The following PRRC2C variants were observed in gnomAD, a reference collection of about 807,000 sequenced individuals.
PRRC2C encodes protein PRRC2C.
Under a neutral mutation model 317.2 loss-of-function variants are expected in PRRC2C, and 72 were observed. The ratio of observed to expected loss-of-function variants is 0.23; its 90% CI spans 0.19 to 0.28. The LOEUF (loss-of-function observed/expected upper bound fraction) is 0.28. Among genes scored for constraint, PRRC2C ranks in the 10% least tolerant of loss-of-function variants. PRRC2C has a pLI of 1.00. For synonymous variants in PRRC2C, 1,296 were observed against 1,205.9 expected (o/e 1.07, Z -1.55); for missense variants, 3,074 against 3,459.7 (o/e 0.89, Z 2.80).
At chr1:171,561,805 A>G (rs1392386107) in intron 20 of PRRC2C, among the ~76,000 whole-genome samples, 1 of 152,234 alleles carries the variant, frequency 6.6e-6, no homozygotes. Context: ...TTATTCTAAC[A>G]TAATTTCTCA....
intron 1 of PRRC2C, among the ~76,000 whole-genome samples, chr1:171,494,976 TGGG>T (rs1667865631): frequency 6.6e-6 from 1 of 152,226 alleles, no homozygotes. Context: ...CACAGCTCTT[TGGG>T]TTATTTGGCA....
chr1:171,591,760 A>G lies in PRRC2C; in HGVS notation c.8610A>G (p.Pro2870=). 1.2e-6 allele frequency: 2 copies of G among 1,613,340 alleles called. No individual in the cohort carries two copies. Among genetic ancestry groups the G allele is most frequent in the Non-Finnish European group, 1.7e-6 (2 of 1,179,802 alleles). The part of the protein sequence containing the change: ...GVCQEKVEEK[P]PPAPSIATKP... ...GTCAGGAAAAAGTAGAAGAAAAGCC[A>G]CCCCCTGCACCCTCCATAGCCACCA... Residue 2870 remains proline, a synonymous_variant, in exon 35 of 35, where the codon CCA becomes CCG. Transcript: ENST00000647382.
At chr1:171,558,733 A>G (rs1295550128) in intron 19 of PRRC2C, among the ~76,000 whole-genome samples, 1 of 87,714 alleles carries the variant, frequency 1.1e-5, no homozygotes, top group Non-Finnish European at 2.6e-5. Flanking sequence ...TTCTTTAAGA[A>G]CACAACAATG....
chr1:171,518,603 T>C (rs1199765582), intron 6 of PRRC2C, among the ~76,000 whole-genome samples: 1 of 146,684 alleles, frequency 6.8e-6, no homozygotes, highest in Non-Finnish European at 1.5e-5. Flanking sequence ...GTTCAAGCAA[T>C]TCTTGTGCCT....
chr1:171,579,539 C>T, intron 27 of PRRC2C, 73 bp downstream of exon 27: 2 of 1,534,492 alleles, frequency 1.3e-6, no homozygotes, highest in Non-Finnish European at 1.8e-6. Context: ...TATCTTGGAA[C>T]ATAAATAATA....
At chr1:171,534,187 T>C (rs993963795) in intron 12 of PRRC2C, among the ~76,000 whole-genome samples, 2 of 152,158 alleles carry the variant, frequency 1.3e-5, no homozygotes, top group African/African-American at 4.8e-5. Context: ...AAATAAGGCC[T>C]GTATGGACCA....
At chr1:171,522,497 C>G (rs903433940) in intron 7 of PRRC2C, 1 of 244,792 alleles carries the variant, frequency 4.1e-6, no homozygotes, top group Admixed American at 5.3e-5. Flanking sequence ...AGGCCGGGGA[C>G]GGTGGCTCAC....
At chr1:171,573,673 C>CTTT (rs1024285954) in intron 24 of PRRC2C, among the ~76,000 whole-genome samples, 5,146 of 85,768 alleles carry the variant, frequency 0.06, 465 homozygotes, top group African/African-American at 0.077. Flanking sequence ...TCTCAAAATT[C>CTTT]TTTTTTTTTT....
chr1:171,573,912 C>T (rs958329161), intron 24 of PRRC2C, among the ~76,000 whole-genome samples: 21 of 151,736 alleles, frequency 1.4e-4, no homozygotes, highest in Non-Finnish European at 2.2e-4. Context: ...CTTCTGACCT[C>T]GTGATCCGCC....
Position 171,574,868 on chromosome 1 carries a change from C to T in PRRC2C, c.6754-59C>T, listed in dbSNP as rs1685428773. 2.1e-6 allele frequency: 3 copies of T among 1,446,784 alleles called. No individual in the cohort carries two copies. The South Asian group carries it at 3.7e-5, about 18-fold the overall frequency. The allele number at this position is 1,446,784 out of a possible 1,614,324, so 89.6% of individuals were successfully genotyped here. A position where few individuals can be genotyped will look rare whatever the true frequency, so the allele number is the denominator to read the frequency against. The stretch of plus-strand genomic sequence containing the variant: ...ACTTAAATACTGATACATGTATATA[C>T]ATACGTATATTCTGTATTAACATCA... On this transcript the variant is annotated intron_variant, in intron 24 of 34. Coordinates refer to ENST00000647382, the MANE Select transcript of PRRC2C (RefSeq NM_001387844.1).
intron 18 of PRRC2C, among the ~76,000 whole-genome samples, chr1:171,554,333 C>T (rs1338564939): frequency 6.6e-6 from 1 of 152,150 alleles, no homozygotes; most frequent in Non-Finnish European, 1.5e-5. Context: ...GATCTTCCTC[C>T]ATCCCTTTGT....
At chr1:171,574,139 A>G (rs1049629501) in intron 24 of PRRC2C, among the ~76,000 whole-genome samples, 33 of 152,110 alleles carry the variant, frequency 2.2e-4, no homozygotes. Context: ...TGTATACTGC[A>G]TATGAAATTT....
At chr1:171,559,520 T>TG (rs1682202372) in intron 19 of PRRC2C, among the ~76,000 whole-genome samples, 1 of 133,384 alleles carries the variant, frequency 7.5e-6, no homozygotes, top group Non-Finnish European at 1.6e-5. Context: ...TTTTTTTTTT[T>TG]TTTTTTTTTT....
At position 171,517,609 on chromosome 1, in the gene PRRC2C, A is replaced by G; in HGVS notation, c.545A>G (p.Asp182Gly). 1.2e-6 allele frequency: 2 copies of G among 1,608,656 alleles called. No individual in the cohort carries two copies. Among genetic ancestry groups the G allele is most frequent in the Non-Finnish European group, 8.5e-7 (1 of 1,178,304 alleles). ...ATACTAGATGTTGCTTGTTGGAGAG[A>G]TGGTGGTAAGGCTGCTGGCTCACCT... ...LRPPNVACWR[D>G]GGKAAGSPSS... is the part of the protein sequence containing the mutation. Residue 182 changes from aspartate (D) to glycine (G), a missense_variant, in exon 6 of 35, where the codon GAT becomes GGT. Physicochemically the swap from Asp to Gly is moderately conservative, Grantham distance 94. Around this residue, in one of 11 missense-constraint regions of PRRC2C, gnomAD observed 237 missense variants for 199.5 expected, o/e 1.19. Transcript: ENST00000647382.
chr1:171,518,794 C>T (rs1238578966), intron 6 of PRRC2C, among the ~76,000 whole-genome samples: 2 of 150,900 alleles, frequency 1.3e-5, no homozygotes, highest in African/African-American at 4.9e-5. Flanking sequence ...TGAGCCACCT[C>T]ACTTGGCCTT....
chr1:171,555,807 G>C (rs1391631052), intron 18 of PRRC2C, among the ~76,000 whole-genome samples: 1 of 152,216 alleles, frequency 6.6e-6, no homozygotes, highest in Non-Finnish European at 1.5e-5. Context: ...AAATATTGCA[G>C]AACAGCAAAT....
chr1:171,542,975 T>C (rs912304992), intron 16 of PRRC2C, among the ~76,000 whole-genome samples: 20 of 148,878 alleles, frequency 1.3e-4, no homozygotes, highest in African/African-American at 4.9e-4. Flanking sequence ...TTAGCCAGGA[T>C]GGTCTCGATA....
intron 30 of PRRC2C, 23 bp from the exon 31 acceptor site, chr1:171,586,980 G>T: frequency 6.5e-7 from 1 of 1,529,052 alleles, no homozygotes; most frequent in Non-Finnish European, 9.0e-7. Flanking sequence ...AATTGCTTCA[G>T]TTTCTCTTTA....
At chr1:171,582,724 G>A (rs908075056) in intron 28 of PRRC2C, among the ~76,000 whole-genome samples, 1 of 152,094 alleles carries the variant, frequency 6.6e-6, no homozygotes, top group African/African-American at 2.4e-5. Flanking sequence ...TACGTACCAT[G>A]TATAGAGCAC....
Sources: allele counts gnomAD v4.1 joint callset (sites outside exome capture counted in the v4.1 genomes callset), GRCh38; gene constraint gnomAD v4.1.1; regional missense constraint gnomAD v4.1.1; transcripts MANE v1.5; gene names NCBI Gene and HGNC (gene_info 2026-07-23, HGNC 2026-07-21).